LRMDA: variants seen among roughly 807,000 people sequenced by gnomAD.
LRMDA encodes the protein leucine-rich melanocyte differentiation-associated protein.
In LRMDA, 18 loss-of-function variants were observed where a neutral mutation model predicts 29.8. The observed-to-expected ratio is 0.60, with a 90% CI of 0.42 to 0.90. The LOEUF (loss-of-function observed/expected upper bound fraction) is 0.90, where lower values mean the gene tolerates loss of function less well. LRMDA is among the 40% of genes least tolerant of loss of function. LRMDA has a pLI of 0.00. For synonymous variants in LRMDA, 125 were observed against 109.4 expected (o/e 1.14, Z -0.89); for missense variants, 273 against 273.9 (o/e 1.00, Z 0.02).
At chr10:75,607,314 C>T (rs930743837) in intron 2 of LRMDA, among the ~76,000 whole-genome samples, 1 of 152,150 alleles carries the variant, frequency 6.6e-6, no homozygotes, top group Non-Finnish European at 1.5e-5. Flanking sequence ...GTTAAAATTT[C>T]TTCAAATTTC....
At chr10:76,232,349 A>G (rs950246388) in intron 5 of LRMDA, among the ~76,000 whole-genome samples, 5 of 152,350 alleles carry the variant, frequency 3.3e-5, no homozygotes, top group Non-Finnish European at 5.9e-5. Context: ...ACATTAGACC[A>G]ATTAATAGGA....
intron 5 of LRMDA, among the ~76,000 whole-genome samples, chr10:76,173,927 T>C (rs186309625): frequency 3.5e-4 from 54 of 152,320 alleles, no homozygotes; most frequent in African/African-American, 1.3e-3. Flanking sequence ...CCCAAAGTGC[T>C]GGGATTACAG....
At chr10:76,151,369 A>G (rs1369649689) in intron 5 of LRMDA, among the ~76,000 whole-genome samples, 1 of 152,174 alleles carries the variant, frequency 6.6e-6, no homozygotes, top group Non-Finnish European at 1.5e-5. Flanking sequence ...GCCCACAGCC[A>G]TCCCTCAGTT....
chr10:75,757,798 CTTTTTTTTTTT>C (rs139801931), intron 2 of LRMDA, among the ~76,000 whole-genome samples: 1 of 140,036 alleles, frequency 7.1e-6, no homozygotes, highest in African/African-American at 2.6e-5. Flanking sequence ...AATTTTCTTT[CTTTTTTTTTTT>C]TTTTTGTTAA....
chr10:76,220,979 A>G (rs1564690444), intron 5 of LRMDA, among the ~76,000 whole-genome samples: 1 of 152,142 alleles, frequency 6.6e-6, no homozygotes, highest in Non-Finnish European at 1.5e-5. Context: ...ATGCAAATCA[A>G]TAAATGTAAT....
chr10:75,763,378 A>G (rs1181431340), intron 2 of LRMDA, among the ~76,000 whole-genome samples: 9 of 152,200 alleles, frequency 5.9e-5, no homozygotes, highest in Admixed American at 3.9e-4. Context: ...GCCCTTAAAA[A>G]AAAACCTAGT....
chr10:76,282,481 TGCCAGAGAG>T (rs765306630), intron 5 of LRMDA, among the ~76,000 whole-genome samples: 2 of 152,196 alleles, frequency 1.3e-5, no homozygotes, highest in Non-Finnish European at 2.9e-5. Context: ...ATCCATAGCC[TGCCAGAGAG>T]GCGCTGGTGG....
chr10:76,193,154 G>C (rs914534825), intron 5 of LRMDA, among the ~76,000 whole-genome samples: 1 of 152,154 alleles, frequency 6.6e-6, no homozygotes. Context: ...GAGTTTCCTT[G>C]CTGTTCCTGC....
chr10:75,526,552 T>TA (rs1283783512), intron 2 of LRMDA, among the ~76,000 whole-genome samples: 17 of 151,574 alleles, frequency 1.1e-4, no homozygotes, highest in Non-Finnish European at 1.9e-4. Context: ...ATTGTTTGGT[T>TA]AAAAAAATAC....
At chr10:75,497,811 TC>T (rs1357729462) in intron 2 of LRMDA, among the ~76,000 whole-genome samples, 1 of 152,204 alleles carries the variant, frequency 6.6e-6, no homozygotes, top group Admixed American at 6.5e-5. Flanking sequence ...TGTTGTTGAA[TC>T]CTGTTGAATG....
At chr10:75,907,062 G>T (rs570708595) in intron 2 of LRMDA, among the ~76,000 whole-genome samples, 1 of 152,198 alleles carries the variant, frequency 6.6e-6, no homozygotes, top group Non-Finnish European at 1.5e-5. Context: ...ACTCTTGGAC[G>T]TAGGAGTTTC....
chr10:76,203,179 G>A, intron 5 of LRMDA, among the ~76,000 whole-genome samples: 1 of 152,206 alleles, frequency 6.6e-6, no homozygotes, highest in East Asian at 1.9e-4. Flanking sequence ...TCCCAACTTG[G>A]TAGAATCTCA....
At chr10:76,303,564 C>T (rs1840509916) in intron 5 of LRMDA, among the ~76,000 whole-genome samples, 1 of 152,066 alleles carries the variant, frequency 6.6e-6, no homozygotes, top group Non-Finnish European at 1.5e-5. Flanking sequence ...GGCCTTAACT[C>T]CCTTCTTCCA....
At chr10:75,477,243 G>A (rs1179797391) in intron 2 of LRMDA, among the ~76,000 whole-genome samples, 1 of 152,068 alleles carries the variant, frequency 6.6e-6, no homozygotes, top group African/African-American at 2.4e-5. Flanking sequence ...GCCTCCCAAA[G>A]CACTAATCTC....
chr10:76,186,306 C>G (rs1851149096), intron 5 of LRMDA, among the ~76,000 whole-genome samples: 1 of 152,176 alleles, frequency 6.6e-6, no homozygotes, highest in Non-Finnish European at 1.5e-5. Context: ...CAGGGCAGCC[C>G]CAGCTTGGTA....
chr10:76,510,998 G>A lies in LRMDA; in HGVS notation c.602-46211G>A, dbSNP rs150189258. 8.8e-3 allele frequency among the ~76,000 whole-genome samples: 1,343 copies of A among 152,286 alleles called. 14 individuals carry two copies. Among genetic ancestry groups the A allele is most frequent in the Non-Finnish European group, 0.014 (964 of 68,006 alleles). The stretch of plus-strand genomic sequence containing the variant: ...AAATGAAACTACACTTGATAAAGCA[G>A]GGATGGGAAGTCTGTAACCTTATCC... On this transcript the variant is annotated intron_variant, in intron 6 of 6. Coordinates refer to ENST00000611255, the MANE Select transcript of LRMDA (RefSeq NM_001305581.2).
chr10:76,112,119 G>A (rs1452657694), intron 5 of LRMDA, among the ~76,000 whole-genome samples: 3 of 152,222 alleles, frequency 2.0e-5, no homozygotes, highest in Non-Finnish European at 2.9e-5. Flanking sequence ...AGCTGCATGA[G>A]CGAGCAAGGG....
At chr10:75,552,491 G>T in intron 2 of LRMDA, 1 of 434,834 alleles carries the variant, frequency 2.3e-6, no homozygotes, top group South Asian at 1.7e-5. Flanking sequence ...TTACTATGAT[G>T]AGGTGTGCCA....
At chr10:76,328,255 C>T (rs962920661) in intron 6 of LRMDA, among the ~76,000 whole-genome samples, 5 of 152,162 alleles carry the variant, frequency 3.3e-5, no homozygotes, top group South Asian at 2.1e-4. Flanking sequence ...AAATATATTA[C>T]GAGTACAGGA....
Sources: gnomAD v4.1 joint callset for allele counts (sites outside exome capture counted in the v4.1 genomes callset) on GRCh38, gnomAD v4.1.1 for gene constraint, MANE v1.5 for transcripts, NCBI Gene and HGNC (gene_info 2026-07-23, HGNC 2026-07-21) for gene names.